The following POU6F2 variants were observed in gnomAD, a reference collection of about 807,000 sequenced individuals.
The protein encoded by POU6F2 is POU domain, class 6, transcription factor 2.
A neutral mutation model predicts 71.3 loss-of-function variants in POU6F2; 31 were observed. The ratio of observed to expected loss-of-function variants is 0.43; its 90% CI spans 0.33 to 0.59. The LOEUF (loss-of-function observed/expected upper bound fraction) is 0.59. POU6F2 is among the 20% of genes least tolerant of loss of function. The pLI, the probability that POU6F2 is intolerant of heterozygous loss-of-function variation, is 0.04. For synonymous variants in POU6F2, 347 were observed against 355.7 expected, an observed-to-expected ratio of 0.98 and a Z score of 0.27; for missense variants, 783 against 856.8, an observed-to-expected ratio of 0.91 and a Z score of 1.07.
At chr7:39,191,533 G>A (rs886281589) in intron 2 of POU6F2, among the ~76,000 whole-genome samples, 2 of 152,002 alleles carry the variant, frequency 1.3e-5, no homozygotes, top group Non-Finnish European at 2.9e-5. Flanking sequence ...TACATAAGAT[G>A]AGCTCTGACA....
At chr7:39,120,267 G>A (rs1451764283) in intron 2 of POU6F2, among the ~76,000 whole-genome samples, 1 of 152,170 alleles carries the variant, frequency 6.6e-6, no homozygotes, top group Non-Finnish European at 1.5e-5. Context: ...GCCTCTGAAA[G>A]TGCTGGGATT....
At chr7:38,979,234 A>G (rs1458412143) in intron 1 of POU6F2, among the ~76,000 whole-genome samples, 1 of 152,078 alleles carries the variant, frequency 6.6e-6, no homozygotes, top group African/African-American at 2.4e-5. Flanking sequence ...TCCAATCAAG[A>G]CAAGCTGGCA....
At chr7:39,373,644 G>C (rs1157452944) in intron 5 of POU6F2, 1 of 405,942 alleles carries the variant, frequency 2.5e-6, no homozygotes, top group African/African-American at 2.1e-5. Context: ...TTACAAAGAG[G>C]CTGGGAACTG....
intron 1 of POU6F2, among the ~76,000 whole-genome samples, chr7:39,005,546 G>A (rs1562664730): frequency 7.5e-6 from 1 of 132,744 alleles, no homozygotes; most frequent in Non-Finnish European, 1.7e-5. Flanking sequence ...GCGTGTGTGC[G>A]TGCAGGCATG....
At chr7:39,050,981 C>T (rs918357808) in intron 1 of POU6F2, among the ~76,000 whole-genome samples, 3 of 152,044 alleles carry the variant, frequency 2.0e-5, no homozygotes, top group Non-Finnish European at 4.4e-5. Context: ...TGGTGACTTG[C>T]TCATTCCACC....
chr7:39,158,855 C>A (rs973787315), intron 2 of POU6F2, among the ~76,000 whole-genome samples: 1 of 152,052 alleles, frequency 6.6e-6, no homozygotes, highest in African/African-American at 2.4e-5. Flanking sequence ...ATTCCTTAAT[C>A]TAGCCAAGTT....
Position 39,460,680 on chromosome 7 carries a change from A to G in POU6F2, c.1623A>G (p.Thr541=). Residue 541 remains threonine, a synonymous_variant, in exon 9 of 10, where the codon ACA becomes ACG. Transcript: ENST00000518318. The surrounding 1 kb of genome is among the most constrained non-coding windows in gnomAD (Gnocchi z 4.4). Reference sequence around the variant, plus strand: ...AGGTGGGACAGGCTCTCAGTGCTACAGAGGGCCCCGCGTACAGCCAGTCGG... The same window carrying G: ...AGGTGGGACAGGCTCTCAGTGCTACGGAGGGCCCCGCGTACAGCCAGTCGG... ...QTQVGQALSA[T]EGPAYSQSAI... The G allele has an allele frequency of 1.9e-6, 3 of 1,608,654 alleles. No individual in the cohort carries two copies. The highest frequency in any genetic ancestry group is 1.7e-4 in the Middle Eastern group (1 of 6,036).
intron 1 of POU6F2, among the ~76,000 whole-genome samples, chr7:39,030,518 A>ATATG (rs1789913948): frequency 9.0e-6 from 1 of 111,162 alleles, no homozygotes; most frequent in Non-Finnish European, 1.9e-5. Context: ...ATATATATAT[A>ATATG]TATATATATA....
intron 1 of POU6F2, among the ~76,000 whole-genome samples, chr7:39,058,088 A>G (rs1790572543): frequency 1.3e-5 from 2 of 152,104 alleles, no homozygotes; most frequent in Non-Finnish European, 2.9e-5. Flanking sequence ...CAGCTCTTAG[A>G]CTTTCTCACC....
intron 1 of POU6F2, among the ~76,000 whole-genome samples, chr7:38,986,049 C>A (rs892460779): frequency 4.6e-5 from 7 of 152,204 alleles, no homozygotes; most frequent in Admixed American, 3.9e-4. Flanking sequence ...TTCATTAACA[C>A]ACACGCACAC....
chr7:39,384,954 T>C (rs6942833), intron 5 of POU6F2, among the ~76,000 whole-genome samples: 46,910 of 152,078 alleles, frequency 0.31, 7,264 homozygotes, highest in Admixed American at 0.32. Flanking sequence ...AATAATAATA[T>C]CCAAATGTTT....
chr7:39,048,957 T>C (rs1216504743), intron 1 of POU6F2, among the ~76,000 whole-genome samples: 3 of 152,052 alleles, frequency 2.0e-5, no homozygotes, highest in Non-Finnish European at 1.5e-5. Flanking sequence ...TTCTAGAAAT[T>C]TGTCATTTCA....
chr7:39,062,902 A>T (rs2128716400), intron 1 of POU6F2, among the ~76,000 whole-genome samples: 1 of 150,998 alleles, frequency 6.6e-6, no homozygotes, highest in South Asian at 2.1e-4. Flanking sequence ...ATGGTGGAGG[A>T]GTGGGGAGAA....
chr7:39,193,153 G>A lies in POU6F2; in HGVS notation c.278-11082G>A, dbSNP rs73365596. 6.5e-3 allele frequency among the ~76,000 whole-genome samples: 983 copies of A among 152,222 alleles called. 9 individuals carry two copies. Among genetic ancestry groups the A allele is most frequent in the African/African-American group, 0.023 (943 of 41,528 alleles). ...TGGCCCAGGGGTCACACTTGACTAT[G>A]GAGACCCTAAACTAAGAATGCAGCT... On this transcript the variant is annotated intron_variant, in intron 2 of 9. Coordinates refer to ENST00000518318, the MANE Select transcript of POU6F2 (RefSeq NM_001370959.1).
intron 5 of POU6F2, among the ~76,000 whole-genome samples, chr7:39,402,272 T>G (rs1787321717): frequency 6.6e-6 from 1 of 152,148 alleles, no homozygotes; most frequent in African/African-American, 2.4e-5. Flanking sequence ...CACCATTTAG[T>G]GTACACAGAC....
intron 2 of POU6F2, among the ~76,000 whole-genome samples, chr7:39,129,839 A>T (rs1249013515): frequency 6.6e-6 from 1 of 152,010 alleles, no homozygotes; most frequent in Non-Finnish European, 1.5e-5. Context: ...CGAGGCGGGC[A>T]GACCAAGAGG....
chr7:39,170,194 G>A (rs1278426060), intron 2 of POU6F2, among the ~76,000 whole-genome samples: 1 of 152,024 alleles, frequency 6.6e-6, no homozygotes, highest in East Asian at 1.9e-4. Context: ...AAAAAAAATT[G>A]TATTCGTTGT....
intron 4 of POU6F2, among the ~76,000 whole-genome samples, chr7:39,273,924 A>G (rs1784386246): frequency 6.6e-6 from 1 of 152,200 alleles, no homozygotes; most frequent in Non-Finnish European, 1.5e-5. Context: ...AATAAACTAT[A>G]AAGAGTAAAA....
intron 5 of POU6F2, among the ~76,000 whole-genome samples, chr7:39,366,428 A>C (rs1786502184): frequency 6.6e-6 from 1 of 152,206 alleles, no homozygotes; most frequent in African/African-American, 2.4e-5. Context: ...ACAGAGAGCC[A>C]GGAGCAAAGG....
Sources: gnomAD v4.1 joint callset for allele counts (sites outside exome capture counted in the v4.1 genomes callset) on GRCh38, gnomAD v4.1.1 for gene constraint, Gnocchi (gnomAD v3.1) non-coding constraint, MANE v1.5 for transcripts, NCBI Gene and HGNC (gene_info 2026-07-23, HGNC 2026-07-21) for gene names.